GALNT13: variants seen among roughly 807,000 people sequenced by gnomAD.
GALNT13 encodes UDP-GalNAc:polypeptide N-acetylgalactosaminyltransferase 13.
Under a neutral mutation model 64.2 loss-of-function variants are expected in GALNT13, and 28 were observed. The ratio of observed to expected loss-of-function variants is 0.44; its 90% CI spans 0.32 to 0.60. The LOEUF (loss-of-function observed/expected upper bound fraction) is 0.60, where lower values mean the gene tolerates loss of function less well. Ranked by LOEUF, GALNT13 falls within the 20% of genes least tolerant of loss-of-function variation. The pLI, the probability that GALNT13 is intolerant of heterozygous loss-of-function variation, is 0.05. For missense variants in GALNT13, 577 were observed against 669.8 expected, an observed-to-expected ratio of 0.86 and a Z score of 1.53; for synonymous variants, 214 against 224.6, an observed-to-expected ratio of 0.95 and a Z score of 0.42.
the GALNT13 span, among the ~76,000 whole-genome samples, chr2:153,680,358 C>G: frequency 3.3e-5 from 5 of 151,616 alleles, no homozygotes; most frequent in Admixed American, 2.6e-4. Context: ...AAAAAAATTC[C>G]TTTCCCCTAC....
intron 9 of GALNT13, among the ~76,000 whole-genome samples, chr2:154,350,111 T>C (rs1696308548): frequency 6.6e-6 from 1 of 152,224 alleles, no homozygotes; most frequent in Non-Finnish European, 1.5e-5. Flanking sequence ...AGTTTATTCA[T>C]TTGTGCATTC....
intron 3 of GALNT13, among the ~76,000 whole-genome samples, chr2:154,020,143 A>G (rs1235682981): frequency 6.6e-6 from 1 of 152,186 alleles, no homozygotes; most frequent in East Asian, 1.9e-4. Flanking sequence ...TATTGTGAAT[A>G]GTGCCGCAAT....
the GALNT13 span, among the ~76,000 whole-genome samples, chr2:153,358,735 G>A: frequency 2.6e-5 from 4 of 152,050 alleles, no homozygotes; most frequent in African/African-American, 9.7e-5. Context: ...ACATATCCAT[G>A]TGCCAGTAAT....
chr2:153,182,314 G>C, the GALNT13 span, among the ~76,000 whole-genome samples: 1 of 152,170 alleles, frequency 6.6e-6, no homozygotes, highest in Non-Finnish European at 1.5e-5. Flanking sequence ...AAAGTGCTGG[G>C]ATTACAGGCG....
chr2:153,308,738 C>T, the GALNT13 span, among the ~76,000 whole-genome samples: 30,750 of 151,820 alleles, frequency 0.2, 3,201 homozygotes, highest in Middle Eastern at 0.34. Flanking sequence ...AGGGGAACGC[C>T]GATGAACAAA....
intron 3 of GALNT13, among the ~76,000 whole-genome samples, chr2:154,130,724 G>A (rs1272458201): frequency 6.6e-6 from 1 of 152,126 alleles, no homozygotes; most frequent in Non-Finnish European, 1.5e-5. Context: ...CTAACTAGAT[G>A]CATAGTCAAT....
chr2:153,878,277 C>A, intron 1 of GALNT13, among the ~76,000 whole-genome samples: 1 of 152,124 alleles, frequency 6.6e-6, no homozygotes, highest in East Asian at 1.9e-4. Context: ...ACATTGTACT[C>A]ATTTTCCTAA....
chr2:153,636,101 C>A, the GALNT13 span, among the ~76,000 whole-genome samples: 1 of 151,992 alleles, frequency 6.6e-6, no homozygotes, highest in African/African-American at 2.4e-5. Context: ...AGACACAAAA[C>A]GCCCGTTATA....
At chr2:154,135,198 C>T (rs67118312) in intron 3 of GALNT13, among the ~76,000 whole-genome samples, 7,101 of 152,130 alleles carry the variant, frequency 0.047, 220 homozygotes, top group South Asian at 0.11. Context: ...TGCCTGCCTT[C>T]CTGCCTACCT....
At chr2:154,282,596 A>T (rs1454844981) in intron 8 of GALNT13, among the ~76,000 whole-genome samples, 1 of 152,150 alleles carries the variant, frequency 6.6e-6, no homozygotes, top group Non-Finnish European at 1.5e-5. Context: ...TCCAGATTAA[A>T]TGACTTGTTC....
chr2:154,427,885 T>C (rs1370964059), intron 11 of GALNT13, among the ~76,000 whole-genome samples: 1 of 152,150 alleles, frequency 6.6e-6, no homozygotes, highest in African/African-American at 2.4e-5. Context: ...TTCAATACCA[T>C]CTATGAATTC....
chr2:153,184,085 T>A, the GALNT13 span, among the ~76,000 whole-genome samples: 2 of 152,242 alleles, frequency 1.3e-5, no homozygotes, highest in African/African-American at 4.8e-5. Flanking sequence ...TTCATGATAT[T>A]GATTCTTCCT....
the GALNT13 span, among the ~76,000 whole-genome samples, chr2:153,717,985 A>C: frequency 6.6e-6 from 1 of 152,100 alleles, no homozygotes; most frequent in Admixed American, 6.6e-5. Flanking sequence ...TCAAAGCCAC[A>C]GGATGTCTGC....
the GALNT13 span, among the ~76,000 whole-genome samples, chr2:153,219,811 G>T: frequency 6.6e-6 from 1 of 152,306 alleles, no homozygotes; most frequent in East Asian, 1.9e-4. Flanking sequence ...ATCCTTTTCT[G>T]CTTCAGAGTG....
intron 3 of GALNT13, among the ~76,000 whole-genome samples, chr2:154,016,025 C>G (rs977243288): frequency 7.1e-4 from 108 of 152,246 alleles, no homozygotes; most frequent in Non-Finnish European, 1.0e-3. Flanking sequence ...AGGAAATTAG[C>G]TTATTCTTTG....
intron 3 of GALNT13, among the ~76,000 whole-genome samples, chr2:154,080,121 G>T (rs1374805281): frequency 2.0e-5 from 3 of 151,620 alleles, no homozygotes; most frequent in African/African-American, 7.3e-5. Context: ...ACGTGCGTGT[G>T]TTATTTCAAC....
At chr2:154,153,526 C>T (rs1336832778) in intron 4 of GALNT13, among the ~76,000 whole-genome samples, 1 of 152,212 alleles carries the variant, frequency 6.6e-6, no homozygotes, top group Non-Finnish European at 1.5e-5. Flanking sequence ...TGTGCCCAGC[C>T]CCCAGAGGTG....
chr2:153,114,221 A>G, the GALNT13 span, among the ~76,000 whole-genome samples: 28 of 152,034 alleles, frequency 1.8e-4, no homozygotes. Flanking sequence ...TAGTCCCATG[A>G]TCTCGCTTGA....
chr2:154,436,166 C>T (rs1379660459), intron 11 of GALNT13: 1 of 151,982 alleles, frequency 6.6e-6, no homozygotes, highest in African/African-American at 2.4e-5. Context: ...AATATTTTAA[C>T]ATCTGTTAAT....
Sources: gnomAD v4.1 joint callset for allele counts (sites outside exome capture counted in the v4.1 genomes callset) on GRCh38, gnomAD v4.1.1 for gene constraint, MANE v1.5 for transcripts, NCBI Gene and HGNC (gene_info 2026-07-23, HGNC 2026-07-21) for gene names.